RAD51B: variants seen among roughly 807,000 people sequenced by gnomAD.
RAD51B encodes the protein DNA repair protein RAD51 homolog 2.
RAD51B carries 38 observed loss-of-function variants against 42.2 expected under a neutral mutation model. The ratio of observed to expected loss-of-function variants is 0.90; its 90% confidence interval spans 0.70 to 1.18. The LOEUF (loss-of-function observed/expected upper bound fraction) is 1.18, where lower values mean the gene tolerates loss of function less well. RAD51B is among the 50% of genes most tolerant of loss of function. RAD51B has a pLI of 0.00. For missense variants in RAD51B, 373 were observed against 400.7 expected (o/e 0.93, Z 0.59); for synonymous variants, 154 against 145.2 (o/e 1.06, Z -0.43).
chr14:67,977,636 A>G (rs2075020003), intron 7 of RAD51B, among the ~76,000 whole-genome samples: 1 of 152,212 alleles, frequency 6.6e-6, no homozygotes. Context: ...AGTTTTATGG[A>G]TTTGATTCAC....
At chr14:68,560,554 G>A (rs1322925959) in intron 10 of RAD51B, among the ~76,000 whole-genome samples, 1 of 152,070 alleles carries the variant, frequency 6.6e-6, no homozygotes. Context: ...TGGCCAACAT[G>A]GTGAAACCCC....
intron 10 of RAD51B, among the ~76,000 whole-genome samples, chr14:68,529,407 A>AG (rs1343314274): frequency 2.6e-5 from 4 of 152,252 alleles, no homozygotes; most frequent in African/African-American, 4.8e-5. Context: ...CATGTTGGCC[A>AG]GGCTGGTCTT....
chr14:68,520,282 G>A (rs2842339), intron 10 of RAD51B, among the ~76,000 whole-genome samples: 136,745 of 152,278 alleles, frequency 0.9, 61,469 homozygotes, highest in East Asian at 0.99. Flanking sequence ...CCATACCCTG[G>A]TGCAAATTCC....
At chr14:68,552,442 A>C (rs1257668332) in intron 10 of RAD51B, among the ~76,000 whole-genome samples, 1 of 152,142 alleles carries the variant, frequency 6.6e-6, no homozygotes, top group Non-Finnish European at 1.5e-5. Flanking sequence ...CAAAGCCCCT[A>C]GTGAGGGATG....
chr14:68,443,350 G>A (rs138754682), intron 9 of RAD51B, among the ~76,000 whole-genome samples: 139 of 152,258 alleles, frequency 9.1e-4, no homozygotes, highest in African/African-American at 3.2e-3. Flanking sequence ...ATGTGTTCAC[G>A]AGTGGACGAA....
intron 10 of RAD51B, among the ~76,000 whole-genome samples, chr14:68,569,017 G>A (rs923352583): frequency 6.6e-6 from 1 of 152,226 alleles, no homozygotes; most frequent in Admixed American, 6.5e-5. Flanking sequence ...ATCTCAGAGT[G>A]TGTTGAAGGG....
At chr14:67,882,074 G>T (rs181516155) in intron 5 of RAD51B, among the ~76,000 whole-genome samples, 75 of 152,302 alleles carry the variant, frequency 4.9e-4, no homozygotes, top group African/African-American at 1.7e-3. Context: ...TCAGACTCAA[G>T]CAATCCTCTC....
chr14:68,433,692 A>T (rs546951880), intron 9 of RAD51B, among the ~76,000 whole-genome samples: 1 of 152,164 alleles, frequency 6.6e-6, no homozygotes, highest in Non-Finnish European at 1.5e-5. Flanking sequence ...ATGGGCTTGA[A>T]CTTCCTCCTT....
chr14:68,445,509 A>G (rs2085401396), intron 9 of RAD51B, among the ~76,000 whole-genome samples: 1 of 152,154 alleles, frequency 6.6e-6, no homozygotes, highest in Non-Finnish European at 1.5e-5. Flanking sequence ...TATTATCCCC[A>G]TTTTATACAT....
At chr14:68,465,940 C>CAA (rs59348577) in intron 9 of RAD51B, among the ~76,000 whole-genome samples, 5,216 of 129,116 alleles carry the variant, frequency 0.04, 195 homozygotes, top group Admixed American at 0.094. Flanking sequence ...GACTCTGTCT[C>CAA]AAAAAAAAAA....
chr14:67,888,566 C>T (rs979087972), intron 7 of RAD51B, among the ~76,000 whole-genome samples: 5 of 152,034 alleles, frequency 3.3e-5, no homozygotes, highest in African/African-American at 1.2e-4. Context: ...GCACTTCAGC[C>T]TGGGAGACAG....
chr14:68,526,234 G>T (rs779011934), intron 10 of RAD51B, among the ~76,000 whole-genome samples: 5 of 152,170 alleles, frequency 3.3e-5, no homozygotes, highest in Non-Finnish European at 7.3e-5. Flanking sequence ...AAGTCATTTG[G>T]AAAACCAGCT....
intron 10 of RAD51B, among the ~76,000 whole-genome samples, chr14:68,583,193 G>A (rs1008827004): frequency 9.8e-5 from 15 of 152,294 alleles, no homozygotes; most frequent in Non-Finnish European, 2.1e-4. Context: ...TGCCTCAGCT[G>A]GTGGTGGCAG....
intron 4 of RAD51B, among the ~76,000 whole-genome samples, chr14:67,838,815 A>C (rs2041333345): frequency 6.6e-6 from 1 of 151,966 alleles, no homozygotes; most frequent in Admixed American, 6.6e-5. Context: ...AAAAAAAAAA[A>C]AACCTGTGAT....
intron 9 of RAD51B, among the ~76,000 whole-genome samples, chr14:68,465,634 A>T (rs932087390): frequency 4.6e-5 from 7 of 152,132 alleles, no homozygotes; most frequent in African/African-American, 1.2e-4. Context: ...CTTCTAAGGG[A>T]TATCCTTAAA....
chr14:67,993,371 C>T (rs1363552694), intron 7 of RAD51B, among the ~76,000 whole-genome samples: 1 of 152,170 alleles, frequency 6.6e-6, no homozygotes, highest in Non-Finnish European at 1.5e-5. Flanking sequence ...TGGTCACCAT[C>T]ATTCTACTCT....
At chr14:68,049,098 T>A (rs1226070400) in intron 7 of RAD51B, among the ~76,000 whole-genome samples, 3 of 151,694 alleles carry the variant, frequency 2.0e-5, no homozygotes, top group Non-Finnish European at 2.9e-5. Context: ...CTCAGCAGAC[T>A]ACCGCAAGGA....
chr14:68,285,532 G>T (rs1244600896), intron 7 of RAD51B, among the ~76,000 whole-genome samples: 1 of 152,174 alleles, frequency 6.6e-6, no homozygotes, highest in Non-Finnish European at 1.5e-5. Flanking sequence ...TCTCTCTCTG[G>T]CCACCCAGAT....
At chr14:68,278,378 T>C (rs1295477671) in intron 7 of RAD51B, among the ~76,000 whole-genome samples, 1 of 152,244 alleles carries the variant, frequency 6.6e-6, no homozygotes, top group Admixed American at 6.5e-5. Context: ...AGTCACTTAA[T>C]ATCTTTATCC....
Sources: allele counts gnomAD v4.1 joint callset (sites outside exome capture counted in the v4.1 genomes callset), GRCh38; gene constraint gnomAD v4.1.1; transcripts MANE v1.5; gene names NCBI Gene and HGNC (gene_info 2026-07-23, HGNC 2026-07-21).